The following DAOA variants were observed in gnomAD, a reference collection of about 807,000 sequenced individuals.
DAOA encodes D-amino acid oxidase activator.
Under a neutral mutation model 16.4 loss-of-function variants are expected in DAOA, and 15 were observed. The ratio of observed to expected loss-of-function variants is 0.91; its 90% CI spans 0.61 to 1.41. The LOEUF (loss-of-function observed/expected upper bound fraction) is 1.41, where lower values mean the gene tolerates loss of function less well. DAOA is among the 40% of genes most tolerant of loss of function. DAOA has a pLI of 0.00. For synonymous variants in DAOA, 75 were observed against 59.1 expected, an observed-to-expected ratio of 1.27 and a Z score of -1.23; for missense variants, 230 against 176.8, an observed-to-expected ratio of 1.30 and a Z score of -1.71.
chr13:105,470,056 T>C (rs974917076), intron 3 of DAOA, among the ~76,000 whole-genome samples: 1 of 151,770 alleles, frequency 6.6e-6, no homozygotes, highest in African/African-American at 2.4e-5. Flanking sequence ...TTGATCTACT[T>C]TTTTTTTGTC....
chr13:105,466,428 C>T lies in DAOA; in HGVS notation c.44+96C>T. On this transcript the variant is annotated intron_variant, in intron 2 of 5. Transcript: ENST00000375936. ...CTCCCAGGGTGAATGTTCCTGGAGA[C>T]AGGAAGTGGAACATGTCAGGGTTGG... 1.1e-5 allele frequency: 17 copies of T among 1,586,564 alleles called. No individual in the cohort carries two copies. In the South Asian group the frequency reaches 1.9e-4, roughly 18 times the overall value.
chr13:105,465,994 A>G (rs887289141), upstream of DAOA: 8 of 322,560 alleles, frequency 2.5e-5, no homozygotes, highest in Admixed American at 2.0e-4. Context: ...CCCACGAATA[A>G]CATTTTCATT....
Position 105,466,281 on chromosome 13 carries a change from G to A in DAOA, c.-8G>A, listed in dbSNP as rs748388734. 1.2e-6 allele frequency: 2 copies of A among 1,613,998 alleles called. No homozygotes were observed. Among genetic ancestry groups the A allele is most frequent in the Admixed American group, 3.3e-5 (2 of 60,000 alleles). ...ACAATGCCGATGATTTAGCTGGGAGGACCCAAAATGCTGGAAAAGCTGATG... is the reference window on the plus strand; with the variant it reads ...ACAATGCCGATGATTTAGCTGGGAGAACCCAAAATGCTGGAAAAGCTGATG... On this transcript the variant is annotated 5_prime_UTR_variant, in exon 2 of 6. Coordinates refer to ENST00000375936, the MANE Select transcript of DAOA (RefSeq NM_172370.5).
At chr13:105,472,400 G>T in intron 3 of DAOA, 138 bp from the exon 4 acceptor site, 1 of 1,224,514 alleles carries the variant, frequency 8.2e-7, no homozygotes, top group Non-Finnish European at 1.1e-6. Flanking sequence ...AGGGAATTTT[G>T]TCTTAACCAA....
At chr13:105,480,899 A>G (rs1305069495) in intron 4 of DAOA, among the ~76,000 whole-genome samples, 1 of 152,088 alleles carries the variant, frequency 6.6e-6, no homozygotes, top group Non-Finnish European at 1.5e-5. Flanking sequence ...CACGGTAAGG[A>G]GGGATCTTCC....
intron 4 of DAOA, among the ~76,000 whole-genome samples, chr13:105,481,866 G>GT (rs1877770365): frequency 6.6e-6 from 1 of 152,194 alleles, no homozygotes; most frequent in Admixed American, 6.5e-5. Context: ...AACATTTAAT[G>GT]TTTTTTATAC....
chr13:105,473,325 A>T (rs1312859847), intron 4 of DAOA, among the ~76,000 whole-genome samples: 1 of 152,030 alleles, frequency 6.6e-6, no homozygotes, highest in African/African-American at 2.4e-5. Context: ...TAATTATTTA[A>T]TTATGTGTTC....
chr13:105,489,495 T>A (rs928954837), intron 4 of DAOA, among the ~76,000 whole-genome samples: 24 of 152,344 alleles, frequency 1.6e-4, no homozygotes, highest in African/African-American at 5.3e-4. Flanking sequence ...ATTTTTAAAT[T>A]ATTTTTCCCC....
chr13:105,472,690 G>A lies in DAOA; in HGVS notation c.281+5G>A. The stretch of plus-strand genomic sequence containing the variant: ...CCTTCCTCAGCCCTATGCAGAGTAT[G>A]TATCTTCTTCATTTTAAACTTTTAA... On this transcript the variant is annotated splice_donor_5th_base_variant and intron_variant, in intron 4 of 5. Transcript: ENST00000375936. The A allele has an allele frequency of 2.5e-6, 4 of 1,597,276 alleles. No homozygotes were observed. The highest frequency in any genetic ancestry group is 3.4e-6 in the Non-Finnish European group (4 of 1,173,194).
At chr13:105,468,632 G>A (rs535123762) in intron 3 of DAOA, among the ~76,000 whole-genome samples, 1 of 152,328 alleles carries the variant, frequency 6.6e-6, no homozygotes, top group South Asian at 2.1e-4. Flanking sequence ...TCTAATCAAT[G>A]CCTGGTGGAA....
At chr13:105,476,539 A>G (rs1156498669) in intron 4 of DAOA, among the ~76,000 whole-genome samples, 2 of 151,898 alleles carry the variant, frequency 1.3e-5, no homozygotes, top group African/African-American at 2.4e-5. Flanking sequence ...AGGTACTACA[A>G]AAAGGGAGGT....
chr13:105,479,858 A>C (rs938228654), intron 4 of DAOA, among the ~76,000 whole-genome samples: 11 of 152,224 alleles, frequency 7.2e-5, no homozygotes, highest in Non-Finnish European at 1.3e-4. Flanking sequence ...CTTGGAATTT[A>C]GAAGAAGGGG....
intron 4 of DAOA, among the ~76,000 whole-genome samples, chr13:105,474,023 G>A (rs1348332338): frequency 2.0e-5 from 3 of 152,048 alleles, no homozygotes; most frequent in Admixed American, 6.5e-5. Context: ...GAGTTAGACT[G>A]TACCATTCTA....
At chr13:105,480,629 A>G (rs1257948006) in intron 4 of DAOA, among the ~76,000 whole-genome samples, 1 of 152,074 alleles carries the variant, frequency 6.6e-6, no homozygotes, top group Non-Finnish European at 1.5e-5. Context: ...CAGACAAGCC[A>G]TCTGCAAGCT....
intron 4 of DAOA, among the ~76,000 whole-genome samples, chr13:105,473,784 G>C (rs139441931): frequency 8.6e-5 from 13 of 152,038 alleles, no homozygotes; most frequent in Non-Finnish European, 1.9e-4. Flanking sequence ...AAATTTAGAC[G>C]TGTTCTATAA....
intron 4 of DAOA, among the ~76,000 whole-genome samples, chr13:105,486,688 G>A (rs928504475): frequency 6.6e-6 from 1 of 150,842 alleles, no homozygotes; most frequent in African/African-American, 2.4e-5. Flanking sequence ...GCGCAATCTC[G>A]GCTCACTGCA....
intron 3 of DAOA, among the ~76,000 whole-genome samples, chr13:105,469,002 A>T (rs1401554827): frequency 6.6e-6 from 1 of 152,226 alleles, no homozygotes; most frequent in Non-Finnish European, 1.5e-5. Context: ...TTTTTATCAA[A>T]TCAATCTTTA....
At chr13:105,489,698 G>A in intron 4 of DAOA, 2 of 1,098,230 alleles carry the variant, frequency 1.8e-6, no homozygotes, top group Non-Finnish European at 2.5e-6. Flanking sequence ...ATCCAAATAT[G>A]TAGTTGTGGC....
At chr13:105,487,276 C>A (rs1432634905) in intron 4 of DAOA, among the ~76,000 whole-genome samples, 1 of 152,156 alleles carries the variant, frequency 6.6e-6, no homozygotes, top group East Asian at 1.9e-4. Context: ...GTGCACTCCT[C>A]TCCTTCCCCA....
Sources: allele counts gnomAD v4.1 joint callset (sites outside exome capture counted in the v4.1 genomes callset), GRCh38; gene constraint gnomAD v4.1.1; transcripts MANE v1.5; gene names NCBI Gene and HGNC (gene_info 2026-07-23, HGNC 2026-07-21).